Variants in NACC2 observed in about 807,000 individuals in gnomAD.
NACC2 encodes the protein nucleus accumbens-associated protein 2.
NACC2 carries 8 observed loss-of-function variants against 25.1 expected under a neutral mutation model. The observed-to-expected ratio is 0.32, with a 90% CI of 0.19 to 0.57. The LOEUF is 0.57. NACC2 is among the 20% of genes least tolerant of loss of function. NACC2 has a pLI of 0.89. For missense variants in NACC2, 644 were observed against 650.2 expected, an observed-to-expected ratio of 0.99 and a Z score of 0.10; for synonymous variants, 435 against 294.7, an observed-to-expected ratio of 1.48 and a Z score of -4.88.
At chr9:136,064,947 C>G (rs1841062596) in intron 1 of NACC2, among the ~76,000 whole-genome samples, 1 of 152,166 alleles carries the variant, frequency 6.6e-6, no homozygotes, top group Non-Finnish European at 1.5e-5. Flanking sequence ...CAAGACCATT[C>G]AATGGGGAAA....
intron 1 of NACC2, among the ~76,000 whole-genome samples, chr9:136,059,934 G>A (rs1840984832): frequency 1.3e-5 from 2 of 152,348 alleles, no homozygotes; most frequent in South Asian, 4.1e-4. Flanking sequence ...GCAGAGAGGG[G>A]CCGCACCCTG....
chr9:136,013,731 G>C lies in NACC2; in HGVS notation c.1157+133C>G, dbSNP rs565370792. ...CCTCTCCACCGTCCTGGGGCCGACC[G>C]GCCACGGCTGAAGTCAGGAATGCGA... On this transcript the variant is annotated intron_variant, in intron 4 of 5. Coordinates refer to ENST00000277554, the MANE Select transcript of NACC2 (RefSeq NM_144653.5). This position sits in a 1 kb window ranked among gnomAD's most constrained non-coding sequence, Gnocchi z 6.6. 4.0e-6 allele frequency: 3 copies of C among 751,730 alleles called. No homozygotes were observed. Among genetic ancestry groups the C allele is most frequent in the Non-Finnish European group, 4.2e-6 (2 of 472,150 alleles). The allele number at this position is 751,730 out of a possible 1,614,324, so 46.6% of individuals were successfully genotyped here. A position where few individuals can be genotyped will look rare whatever the true frequency, so the allele number is the denominator to read the frequency against.
rs144689610 is a variant in NACC2, at chr9:136,016,199, CAATA to C, written c.1051+62_1051+65del. 300 of 1,556,934 alleles carry C rather than the reference CAATA, an allele frequency of 1.9e-4. 1 individual carries two copies. Among genetic ancestry groups the C allele is most frequent in the South Asian group, 2.5e-4 (22 of 88,684 alleles). On this transcript the variant is annotated intron_variant, in intron 3 of 5. Coordinates refer to ENST00000277554, the MANE Select transcript of NACC2 (RefSeq NM_144653.5). The stretch of plus-strand genomic sequence containing the variant: ...GATGAGTACATTGTTCAGAGCTCTC[CAATA>C]AATAAATAAATAAATAAATGAGGAC...
In NACC2 at chr9:136,094,956, C is replaced by G. The variant is rs536198940; in HGVS notation, c.-60+233G>C. Among the ~76,000 whole-genome samples the G allele has an allele frequency of 2.0e-3, 295 of 146,204 alleles. 2 individuals carry two copies. The highest frequency in any genetic ancestry group is 3.0e-3 in the Non-Finnish European group (195 of 65,796). On this transcript the variant is annotated intron_variant, in intron 1 of 5. Coordinates refer to ENST00000277554, the MANE Select transcript of NACC2 (RefSeq NM_144653.5). Reference sequence around the variant, plus strand: ...GGGGTCGCGGGCGCCTCCGCCGGGACCCCCCGGCCCCGCCCGGCCCCCCTC... The same window carrying G: ...GGGGTCGCGGGCGCCTCCGCCGGGAGCCCCCGGCCCCGCCCGGCCCCCCTC...
intron 1 of NACC2, among the ~76,000 whole-genome samples, chr9:136,068,969 G>C (rs1661527166): frequency 6.6e-6 from 1 of 150,522 alleles, no homozygotes; most frequent in Non-Finnish European, 1.5e-5. Context: ...CCAGGCTGGA[G>C]TTTAATGGCA....
chr9:136,064,115 C>T (rs1184560457), intron 1 of NACC2, among the ~76,000 whole-genome samples: 3 of 151,940 alleles, frequency 2.0e-5, no homozygotes, highest in Non-Finnish European at 4.4e-5. Context: ...ACGGCAAGAC[C>T]TCATCTCTAC....
In NACC2 at chr9:136,084,369, G is replaced by A. The variant is rs1830355686; in HGVS notation, c.-60+10820C>T. On this transcript the variant is annotated intron_variant, in intron 1 of 5. Transcript: ENST00000277554. This position sits in a 1 kb window ranked among gnomAD's most constrained non-coding sequence, Gnocchi z 5.1. Reference sequence around the variant, plus strand: ...GGCGGGTTGCTGGAGGGCTGCTTCCGAGACTCATCCATCACACAGACACCT... The same window carrying A: ...GGCGGGTTGCTGGAGGGCTGCTTCCAAGACTCATCCATCACACAGACACCT... Among the ~76,000 whole-genome samples the A allele has an allele frequency of 6.6e-6, 1 of 152,104 alleles. No homozygotes were observed. The highest frequency in any genetic ancestry group is 1.5e-5 in the Non-Finnish European group (1 of 68,024).
At chr9:136,017,311 C>A (rs1439088978) in intron 2 of NACC2, among the ~76,000 whole-genome samples, 4 of 152,172 alleles carry the variant, frequency 2.6e-5, no homozygotes, top group African/African-American at 9.7e-5. Context: ...ATGGTGCCAC[C>A]CCGAGGTCCC....
chr9:136,023,349 C>T (rs977624743), intron 2 of NACC2, among the ~76,000 whole-genome samples: 1 of 151,984 alleles, frequency 6.6e-6, no homozygotes, highest in Non-Finnish European at 1.5e-5. Context: ...GGCACCTGGG[C>T]CTGCTCAGCT....
chr9:136,011,857 C>T lies in NACC2; in HGVS notation c.1423G>A (p.Ala475Thr), dbSNP rs754883808. 1.2e-4 allele frequency: 193 copies of T among 1,559,986 alleles called. No homozygotes were observed. Among genetic ancestry groups the T allele is most frequent in the Non-Finnish European group, 1.5e-4 (176 of 1,155,512 alleles). ...MYRTVMGSAAASVPLDPEFPP... is the reference protein window; with the variant it reads ...MYRTVMGSAATSVPLDPEFPP... ...AACTCGGGGTCGAGGGGCACGCTGG[C>T]GGCGGCGGAGCCCATGACCGTGCGG... is the stretch of plus-strand genomic sequence containing the variant. Residue 475 changes from alanine to threonine, a missense_variant, in exon 6 of 6, where the codon GCC (alanine) becomes ACC (threonine). Coordinates refer to ENST00000277554, the MANE Select transcript of NACC2 (RefSeq NM_144653.5).
chr9:136,073,864 G>A (rs994872397), intron 1 of NACC2, among the ~76,000 whole-genome samples: 1 of 152,172 alleles, frequency 6.6e-6, no homozygotes, highest in Non-Finnish European at 1.5e-5. Flanking sequence ...ATGCTGCCTG[G>A]TCTTGGAGTA....
At chr9:136,057,131 G>T (rs1032193413) in intron 1 of NACC2, among the ~76,000 whole-genome samples, 3 of 152,188 alleles carry the variant, frequency 2.0e-5, no homozygotes, top group Admixed American at 2.0e-4. Context: ...TGGGGTGCCC[G>T]TGGCGTTGGC....
At chr9:136,026,211 C>T (rs1020835027) in intron 2 of NACC2, among the ~76,000 whole-genome samples, 7 of 151,346 alleles carry the variant, frequency 4.6e-5, no homozygotes, top group African/African-American at 9.7e-5. Context: ...TGTGGTGGTG[C>T]GCACCTGTAA....
At chr9:136,094,149 C>G (rs552068691) in intron 1 of NACC2, among the ~76,000 whole-genome samples, 1 of 152,214 alleles carries the variant, frequency 6.6e-6, no homozygotes, top group African/African-American at 2.4e-5. Flanking sequence ...CAGGAAGGAA[C>G]GCGCAGCAGA....
chr9:136,066,612 G>A (rs1184539504), intron 1 of NACC2, among the ~76,000 whole-genome samples: 2 of 152,170 alleles, frequency 1.3e-5, no homozygotes, highest in African/African-American at 2.4e-5. Context: ...ATTCCTACAT[G>A]ACCCAGCAAT....
chr9:136,021,084 A>G (rs1840284722), intron 2 of NACC2, among the ~76,000 whole-genome samples: 2 of 152,254 alleles, frequency 1.3e-5, no homozygotes, highest in Admixed American at 6.5e-5. Context: ...ATGAAGATAA[A>G]AAAACAAGCT....
At chr9:136,067,429 G>A (rs540336425) in intron 1 of NACC2, among the ~76,000 whole-genome samples, 3 of 152,280 alleles carry the variant, frequency 2.0e-5, no homozygotes, top group East Asian at 1.9e-4. Flanking sequence ...GAATACAGAC[G>A]TGTTGATTAA....
intron 1 of NACC2, among the ~76,000 whole-genome samples, chr9:136,067,267 C>CA (rs58132081): frequency 0.017 from 1,591 of 93,554 alleles, 45 homozygotes; most frequent in African/African-American, 0.06. Flanking sequence ...AACTCTGTCT[C>CA]AAAAAAAAAA....
At chr9:136,080,630 CCA>C (rs542485295) in intron 1 of NACC2, among the ~76,000 whole-genome samples, 168 of 152,250 alleles carry the variant, frequency 1.1e-3, no homozygotes, top group African/African-American at 4.0e-3. Flanking sequence ...ATCCCCCACC[CCA>C]CAGACCGCAC....
Sources: allele counts gnomAD v4.1 joint callset (sites outside exome capture counted in the v4.1 genomes callset), GRCh38; gene constraint gnomAD v4.1.1; non-coding constraint Gnocchi (gnomAD v3.1); transcripts MANE v1.5; gene names NCBI Gene and HGNC (gene_info 2026-07-23, HGNC 2026-07-21).